Variants in HMGB1 observed in about 807,000 individuals in gnomAD.
HMGB1 encodes high mobility group box 1, also known as high mobility group protein B1.
For missense variants in HMGB1, 79 were observed against 253.5 expected, an observed-to-expected ratio of 0.31 and a Z score of 4.67; for synonymous variants, 81 against 84.0, an observed-to-expected ratio of 0.96 and a Z score of 0.19.
intron 1 of HMGB1, among the ~76,000 whole-genome samples, chr13:30,503,768 G>A (rs1169834912): frequency 2.7e-5 from 4 of 150,336 alleles, no homozygotes; most frequent in African/African-American, 9.8e-5. Flanking sequence ...TAAAGGTATT[G>A]CAGGGCTGGG....
rs1322384202 is a variant in HMGB1 at position 30,502,137 on chromosome 13, T to C, written c.-14-38443A>G. Among the ~76,000 whole-genome samples the C allele has an allele frequency of 7.3e-4, 111 of 152,238 alleles. 1 individual carries two copies. The highest frequency in any genetic ancestry group is 7.3e-3 in the Admixed American group (111 of 15,286). On this transcript the variant is annotated intron_variant, in intron 1 of 4. Coordinates refer to the HMGB1 transcript ENST00000405805. The stretch of plus-strand genomic sequence containing the variant: ...TATTTTAGAAATGAATTTTAAAAAT[T>C]AGAAAGTTTGAGTCAGCCATACACA...
chr13:30,501,870 T>C (rs968603662), intron 1 of HMGB1, among the ~76,000 whole-genome samples: 2 of 152,222 alleles, frequency 1.3e-5, no homozygotes, highest in Non-Finnish European at 2.9e-5. Flanking sequence ...CAAGTCACTA[T>C]TGAACATAGT....
chr13:30,588,773 C>T (rs979078492), intron 1 of HMGB1, among the ~76,000 whole-genome samples: 1 of 151,842 alleles, frequency 6.6e-6, no homozygotes, highest in East Asian at 2.0e-4. Context: ...AGAAATTAGC[C>T]GTGAATGATG....
chr13:30,554,957 A>C (rs1869611299), intron 1 of HMGB1, among the ~76,000 whole-genome samples: 1 of 151,924 alleles, frequency 6.6e-6, no homozygotes, highest in Non-Finnish European at 1.5e-5. Flanking sequence ...TTTACAAAGT[A>C]AACTTTACAT....
chr13:30,587,691 A>C (rs1378515319), intron 1 of HMGB1, among the ~76,000 whole-genome samples: 1 of 152,240 alleles, frequency 6.6e-6, no homozygotes, highest in African/African-American at 2.4e-5. Flanking sequence ...ATGCTCACAC[A>C]CTACAGAATA....
intron 1 of HMGB1, among the ~76,000 whole-genome samples, chr13:30,520,262 C>T (rs1013865983): frequency 6.6e-6 from 1 of 151,962 alleles, no homozygotes; most frequent in African/African-American, 2.4e-5. Context: ...GTGGAGGTTG[C>T]AGTGAGCCAA....
chr13:30,611,317 C>G (rs139232189), intron 1 of HMGB1, among the ~76,000 whole-genome samples: 1 of 152,146 alleles, frequency 6.6e-6, no homozygotes, highest in Non-Finnish European at 1.5e-5. Flanking sequence ...CATGCGCCAA[C>G]GTGCCCAGCT....
At chr13:30,602,105 C>T (rs1950408905) in intron 1 of HMGB1, among the ~76,000 whole-genome samples, 1 of 152,094 alleles carries the variant, frequency 6.6e-6, no homozygotes, top group African/African-American at 2.4e-5. Context: ...CCGGGGATAC[C>T]AGCACCACAG....
intron 1 of HMGB1, among the ~76,000 whole-genome samples, chr13:30,564,518 A>C (rs1413121527): frequency 1.3e-5 from 2 of 152,066 alleles, no homozygotes; most frequent in Admixed American, 1.3e-4. Flanking sequence ...GCTTGGAGAG[A>C]TCTGTTTACC....
chr13:30,540,386 TA>T, intron 1 of HMGB1: 1 of 158,332 alleles, frequency 6.3e-6, no homozygotes. Flanking sequence ...CCCAGCATGC[TA>T]ATTAGACGTG....
At chr13:30,492,117 A>G (rs775084539) in intron 1 of HMGB1, among the ~76,000 whole-genome samples, 1 of 152,008 alleles carries the variant, frequency 6.6e-6, no homozygotes, top group Admixed American at 6.6e-5. Flanking sequence ...GCAGTGAGCC[A>G]AGATTGCACC....
intron 1 of HMGB1, among the ~76,000 whole-genome samples, chr13:30,492,061 G>A (rs1001273083): frequency 5.9e-5 from 9 of 151,834 alleles, no homozygotes; most frequent in Admixed American, 1.3e-4. Context: ...CCAGCTACTC[G>A]GGAGGCTGAG....
At chr13:30,557,422 A>T (rs1346015044) in intron 1 of HMGB1, among the ~76,000 whole-genome samples, 15 of 152,184 alleles carry the variant, frequency 9.9e-5, no homozygotes. Flanking sequence ...TTTTATTTAA[A>T]TGTCTGTCTA....
intron 1 of HMGB1, among the ~76,000 whole-genome samples, chr13:30,479,423 C>G (rs1251207670): frequency 6.6e-6 from 1 of 152,192 alleles, no homozygotes; most frequent in African/African-American, 2.4e-5. Context: ...AACCTTACCT[C>G]TTTCCGATTT....
intron 1 of HMGB1, among the ~76,000 whole-genome samples, chr13:30,584,144 C>A (rs1386616476): frequency 6.6e-6 from 1 of 152,168 alleles, no homozygotes; most frequent in East Asian, 1.9e-4. Flanking sequence ...AATCCAACTT[C>A]TTTACCCTAA....
At chr13:30,555,033 G>GTGT (rs1869616442) in intron 1 of HMGB1, among the ~76,000 whole-genome samples, 1 of 72,412 alleles carries the variant, frequency 1.4e-5, no homozygotes, top group Non-Finnish European at 2.4e-5. Context: ...GTGTCGTTGT[G>GTGT]TTTTTTTTTT....
intron 1 of HMGB1, among the ~76,000 whole-genome samples, chr13:30,481,228 C>A (rs1261234194): frequency 6.6e-6 from 1 of 150,950 alleles, no homozygotes; most frequent in African/African-American, 2.4e-5. Flanking sequence ...TAGAACTGAA[C>A]TTTCGATCTT....
intron 1 of HMGB1, among the ~76,000 whole-genome samples, chr13:30,584,379 G>A (rs942297805): frequency 2.0e-5 from 3 of 152,136 alleles, no homozygotes; most frequent in South Asian, 2.1e-4. Flanking sequence ...ACAACTTAGC[G>A]AAAGTATTTA....
intron 1 of HMGB1, among the ~76,000 whole-genome samples, chr13:30,592,230 T>A (rs1566034825): frequency 6.6e-6 from 1 of 152,172 alleles, no homozygotes; most frequent in Admixed American, 6.5e-5. Context: ...ATTTCTGTTA[T>A]CTAGGTGCTT....
Sources: allele counts gnomAD v4.1 joint callset (sites outside exome capture counted in the v4.1 genomes callset), GRCh38; gene constraint gnomAD v4.1.1; transcripts MANE v1.5; gene names NCBI Gene and HGNC (gene_info 2026-07-23, HGNC 2026-07-21).